The following FAM153A variants were observed in gnomAD, a reference collection of about 807,000 sequenced individuals.
The protein encoded by FAM153A is family with sequence similarity 153 member A.
In FAM153A, 12 loss-of-function variants were observed where a neutral mutation model predicts 48.1. The ratio of observed to expected loss-of-function variants is 0.25; its 90% CI spans 0.16 to 0.40. The LOEUF is 0.40. Ranked by LOEUF, FAM153A falls within the 10% of genes least tolerant of loss-of-function variation. The pLI is 1.00. For synonymous variants in FAM153A, 36 were observed against 118.2 expected (o/e 0.30, Z 4.51); for missense variants, 111 against 345.8 (o/e 0.32, Z 5.38).
the FAM153A span, among the ~76,000 whole-genome samples, chr5:177,702,673 TCCTG>T: frequency 6.1e-4 from 93 of 151,952 alleles, 1 homozygote; most frequent in African/African-American, 2.1e-3. Flanking sequence ...GACCTAGGGC[TCCTG>T]CTGTCCTGTG....
At chr5:177,696,723 G>A in the FAM153A span, among the ~76,000 whole-genome samples, 36 of 150,476 alleles carry the variant, frequency 2.4e-4, no homozygotes, top group Non-Finnish European at 4.0e-4. Context: ...CTGGAGTACT[G>A]TGGTGTGATC....
intron 1 of FAM153A, among the ~76,000 whole-genome samples, chr5:177,760,895 TA>T (rs1431834651): frequency 1.4e-5 from 2 of 142,158 alleles, no homozygotes; most frequent in Admixed American, 7.2e-5. Flanking sequence ...TATTTTTAAA[TA>T]AAAAAAACTA....
chr5:177,725,691 G>C (rs1489194570), intron 18 of FAM153A, among the ~76,000 whole-genome samples: 6 of 151,548 alleles, frequency 4.0e-5, no homozygotes, highest in African/African-American at 1.5e-4. Flanking sequence ...TGCTGAGCCA[G>C]AGAGGAGGGT....
chr5:177,754,775 C>G (rs1261932165), upstream of FAM153A, among the ~76,000 whole-genome samples: 1 of 152,056 alleles, frequency 6.6e-6, no homozygotes, highest in East Asian at 1.9e-4. Flanking sequence ...AGCTGAGGGT[C>G]CTGGCTGTTA....
chr5:177,705,184 A>G (rs1757767156), downstream of FAM153A, among the ~76,000 whole-genome samples: 2 of 149,890 alleles, frequency 1.3e-5, no homozygotes, highest in Admixed American at 6.6e-5. Flanking sequence ...TGTGCTTATA[A>G]TCTCATCTAC....
intron 24 of FAM153A, among the ~76,000 whole-genome samples, chr5:177,716,842 A>C (rs1237808745): frequency 6.6e-6 from 1 of 151,764 alleles, no homozygotes; most frequent in Admixed American, 6.6e-5. Context: ...TCTGTCACCC[A>C]GGCTGGAGTA....
At chr5:177,710,239 G>A (rs1758292672), downstream of FAM153A, among the ~76,000 whole-genome samples, 1 of 150,916 alleles carries the variant, frequency 6.6e-6, no homozygotes, top group South Asian at 2.1e-4. Flanking sequence ...CAGCCTCCCA[G>A]GTAGCTGGGA....
chr5:177,705,167 G>A (rs1480376163), downstream of FAM153A, among the ~76,000 whole-genome samples: 1 of 149,926 alleles, frequency 6.7e-6, no homozygotes, highest in Non-Finnish European at 1.5e-5. Flanking sequence ...AGCTGAGCAT[G>A]GTGGCATGTG....
At position 177,769,127 on chromosome 5, in the gene FAM153A, A is replaced by G. The variant is rs1235764448; in HGVS notation, c.-57+11322T>C. On this transcript the variant is annotated intron_variant, in intron 1 of 8. Coordinates refer to the FAM153A transcript ENST00000393518. ...GGGTGCCTGTAGTCCCAGCTACTCC[A>G]GAGGCTGAGGCAGCAGAATGGTGTG... 1.7e-4 allele frequency among the ~76,000 whole-genome samples: 14 copies of G among 81,536 alleles called. 3 individuals carry two copies. Among genetic ancestry groups the G allele is most frequent in the Admixed American group, 9.0e-4 (7 of 7,790 alleles). 53.5% of individuals were successfully genotyped at this position (81,536 alleles called of 152,430 possible). A position where few individuals can be genotyped will look rare whatever the true frequency, so the allele number is the denominator to read the frequency against.
rs1044437142 is a variant in FAM153A, at chr5:177,716,571, G to A, written c.*1152-156C>T. 1.4e-4 allele frequency among the ~76,000 whole-genome samples: 21 copies of A among 151,722 alleles called. 1 individual carries two copies. Among genetic ancestry groups the A allele is most frequent in the Admixed American group, 4.6e-4 (7 of 15,226 alleles). ...AGAAGGTGCCTGACAATTCTCAGTT[G>A]AAATGTCCTGACCAAGTTCCCCCAG... On this transcript the variant is annotated intron_variant and NMD_transcript_variant, in intron 24 of 26. Coordinates refer to the FAM153A transcript ENST00000360669.
At chr5:177,730,303 G>T (rs1326441810) in intron 16 of FAM153A, among the ~76,000 whole-genome samples, 4 of 121,770 alleles carry the variant, frequency 3.3e-5, no homozygotes, top group African/African-American at 1.1e-4. Flanking sequence ...GAAAATGGGT[G>T]CCCGGCTAAT....
intron 1 of FAM153A, among the ~76,000 whole-genome samples, chr5:177,764,319 T>C (rs1299842920): frequency 3.3e-5 from 5 of 151,310 alleles, no homozygotes; most frequent in Admixed American, 2.6e-4. Flanking sequence ...CCTAGAAAGA[T>C]GCTGTGAACA....
rs1348180334 is a variant in FAM153A, at chr5:177,769,810, C to T, written c.-57+10639G>A. Among the ~76,000 whole-genome samples the T allele has an allele frequency of 2.1e-5, 2 of 96,942 alleles. 1 individual carries two copies. The highest frequency in any genetic ancestry group is 4.3e-5 in the Non-Finnish European group (2 of 46,920). 63.6% of individuals were successfully genotyped at this position (96,942 alleles called of 152,430 possible). A position where few individuals can be genotyped will look rare whatever the true frequency, so the allele number is the denominator to read the frequency against. On this transcript the variant is annotated intron_variant, in intron 1 of 8. Coordinates refer to the FAM153A transcript ENST00000393518. ...ACTGGAAAGATCACTCCTTTAAGAG[C>T]TTATCCACTCGGAACCACGCCTCAC...
the FAM153A span, among the ~76,000 whole-genome samples, chr5:177,698,464 C>G: frequency 6.6e-6 from 1 of 151,858 alleles, no homozygotes; most frequent in Admixed American, 6.6e-5. Flanking sequence ...GGTCACTTCT[C>G]CAGATTCAGT....
intron 18 of FAM153A, among the ~76,000 whole-genome samples, chr5:177,728,553 GTTTT>G (rs200505586): frequency 2.2e-5 from 3 of 135,494 alleles, no homozygotes; most frequent in African/African-American, 8.4e-5. Context: ...TTGTTGGGGT[GTTTT>G]TTTTTTTGTT....
At chr5:177,740,598 T>G (rs1765313783) in intron 8 of FAM153A, among the ~76,000 whole-genome samples, 179 bp downstream of exon 10, 1 of 119,318 alleles carries the variant, frequency 8.4e-6, no homozygotes, top group Non-Finnish European at 1.9e-5. Flanking sequence ...TTTTTTTTTT[T>G]TGAGATGAAA....
chr5:177,723,554 C>T (rs1330590342), exon 21 of FAM153A: 6 of 163,528 alleles, frequency 3.7e-5, no homozygotes, highest in African/African-American at 1.5e-4. Context: ...CATGAGGCCA[C>T]CCCAGGCCCC....
At chr5:177,706,722 G>A (rs1351547668), downstream of FAM153A, 2 of 151,798 alleles carry the variant, frequency 1.3e-5, no homozygotes, top group Non-Finnish European at 2.9e-5. Flanking sequence ...TTGCAAAAAT[G>A]CCTGTTTGGG....
rs1766206946 is a variant in FAM153A at position 177,747,542 on chromosome 5, C to T, written c.259+227G>A. ...TCCTCCATACCTCCCAACTCTGATT[C>T]ACAACACCCTCTTCTATCCAAATGA... On this transcript the variant is annotated intron_variant, in intron 4 of 20. Transcript: ENST00000614127. 2 of 552,762 alleles carry T rather than the reference C, an allele frequency of 3.6e-6. 1 individual carries two copies. The allele number at this position is 552,762 out of a possible 1,614,324, so 34.2% of individuals were successfully genotyped here.
Sources: gnomAD v4.1 joint callset for allele counts (sites outside exome capture counted in the v4.1 genomes callset) on GRCh38, gnomAD v4.1.1 for gene constraint, MANE v1.5 for transcripts, NCBI Gene and HGNC (gene_info 2026-07-23, HGNC 2026-07-21) for gene names.